CRYBB1: variants seen among roughly 807,000 people sequenced by gnomAD.
The protein encoded by CRYBB1 is crystallin beta B1, also known as beta-crystallin B1.
CRYBB1 carries 16 observed loss-of-function variants against 29.5 expected under a neutral mutation model. That is an observed-to-expected ratio of 0.54 (90% CI 0.37 to 0.82). The LOEUF (loss-of-function observed/expected upper bound fraction) is 0.82, where lower values mean the gene tolerates loss of function less well. Ranked by LOEUF, CRYBB1 falls within the 40% of genes least tolerant of loss-of-function variation. The pLI is 0.00. For missense variants in CRYBB1, 300 were observed against 350.5 expected (o/e 0.86, Z 1.15); for synonymous variants, 127 against 136.7 (o/e 0.93, Z 0.49).
At chr22:26,603,586 C>T (rs2145959958) in intron 4 of CRYBB1, among the ~76,000 whole-genome samples, 1 of 151,780 alleles carries the variant, frequency 6.6e-6, no homozygotes, top group African/African-American at 2.4e-5. Flanking sequence ...GTCATGGCTA[C>T]TCAACTCACG....
chr22:26,616,081 G>C, intron 2 of CRYBB1, 59 bp downstream of exon 2: 1 of 1,317,628 alleles, frequency 7.6e-7, no homozygotes, highest in Non-Finnish European at 1.1e-6. Context: ...GAAGAAGGAG[G>C]AGGAGGGAAG....
intron 5 of CRYBB1, among the ~76,000 whole-genome samples, chr22:26,600,536 G>C (rs1272100758): frequency 6.6e-6 from 1 of 152,242 alleles, no homozygotes; most frequent in Admixed American, 6.5e-5. Flanking sequence ...GAGAATCTAG[G>C]TGGATAAGGT....
chr22:26,616,377 A>G (rs546379747), intron 1 of CRYBB1, 39 bp from the exon 2 acceptor site: 3 of 1,406,294 alleles, frequency 2.1e-6, no homozygotes, highest in African/African-American at 1.4e-5. Flanking sequence ...GACACCCCCA[A>G]ACTGCCTCCT....
intron 4 of CRYBB1, among the ~76,000 whole-genome samples, chr22:26,606,779 C>T (rs1043860573): frequency 2.0e-5 from 3 of 152,088 alleles, no homozygotes; most frequent in African/African-American, 7.2e-5. Context: ...ATAAATGTTC[C>T]CATCATGGAA....
chr22:26,601,884 A>G lies in CRYBB1; in HGVS notation c.570T>C (p.Ser190=), dbSNP rs1928830365. The part of the protein sequence containing the change: ...SDRVGSVKVS[S]GTWVGYQYPG... ...CTGGCAGGAGGGATGCTTACGTTCCACTGGAGACCTTCACGCTGCCCACGC... is the reference window on the plus strand; with the variant it reads ...CTGGCAGGAGGGATGCTTACGTTCCGCTGGAGACCTTCACGCTGCCCACGC... Residue 190 remains serine (S), a synonymous_variant, in exon 5 of 6, where the codon AGT becomes AGC. Coordinates refer to ENST00000647684, the MANE Select transcript of CRYBB1 (RefSeq NM_001887.4). The G allele has an allele frequency of 1.2e-6, 2 of 1,611,902 alleles. No individual in the cohort carries two copies. Among genetic ancestry groups the G allele is most frequent in the South Asian group, 1.1e-5 (1 of 90,984 alleles).
intron 3 of CRYBB1, among the ~76,000 whole-genome samples, chr22:26,609,628 A>C (rs530400502): frequency 1.3e-5 from 2 of 152,272 alleles, no homozygotes; most frequent in Admixed American, 6.5e-5. Context: ...GAATGGATGT[A>C]TGTATGGATA....
intron 4 of CRYBB1, 46 bp downstream of exon 4, chr22:26,607,843 T>C: frequency 6.2e-7 from 1 of 1,613,600 alleles, no homozygotes; most frequent in Non-Finnish European, 8.5e-7. Context: ...ACACCTGCCC[T>C]GCCCCGCCTG....
chr22:26,602,395 G>A (rs958713249), intron 4 of CRYBB1, among the ~76,000 whole-genome samples: 1 of 151,868 alleles, frequency 6.6e-6, no homozygotes, highest in Non-Finnish European at 1.5e-5. Flanking sequence ...ACCAGCCTGG[G>A]CAACATAGCA....
At chr22:26,612,276 G>A (rs1364761804) in intron 2 of CRYBB1, 86 bp from the exon 3 acceptor site, 1 of 856,530 alleles carries the variant, frequency 1.2e-6, no homozygotes, top group South Asian at 1.4e-5. Flanking sequence ...AAAGCCAGCA[G>A]TGCAGGAGTC....
intron 2 of CRYBB1, among the ~76,000 whole-genome samples, chr22:26,612,401 C>T (rs953406823): frequency 6.6e-6 from 1 of 152,148 alleles, no homozygotes; most frequent in African/African-American, 2.4e-5. Context: ...CTCACTCTGT[C>T]GCCCCAGCTG....
rs536928131 is a variant in CRYBB1, at chr22:26,602,541, T to A, written c.433-520A>T. ...AGGAAGTTGAGGCTGCAGCGAGATATGATTACACCACTGCACTCCAGCCTG... is the reference window on the plus strand; with the variant it reads ...AGGAAGTTGAGGCTGCAGCGAGATAAGATTACACCACTGCACTCCAGCCTG... On this transcript the variant is annotated intron_variant, in intron 4 of 5. Coordinates refer to ENST00000647684, the MANE Select transcript of CRYBB1 (RefSeq NM_001887.4). 2.7e-5 allele frequency among the ~76,000 whole-genome samples: 4 copies of A among 150,776 alleles called. No homozygotes were observed. The South Asian group carries it at 8.4e-4, about 32-fold the overall frequency.
At chr22:26,601,322 A>G (rs1569203688) in intron 5 of CRYBB1, among the ~76,000 whole-genome samples, 1 of 152,070 alleles carries the variant, frequency 6.6e-6, no homozygotes, top group Non-Finnish European at 1.5e-5. Flanking sequence ...ATAGCTTCAG[A>G]TCCTGAGCGT....
Position 26,616,265 on chromosome 22 carries a change from G to A in CRYBB1, c.55C>T (p.Pro19Ser), listed in dbSNP as rs755613517. 2.5e-6 allele frequency: 4 copies of A among 1,613,976 alleles called. No homozygotes were observed. Among genetic ancestry groups the A allele is most frequent in the Non-Finnish European group, 3.4e-6 (4 of 1,179,838 alleles). ...ASATVAVNPG[P>S]DTKGKGAPPA... ...GGGGCCCCCTTCCCCTTGGTGTCAG[G>A]CCCTGGGTTCACCGCCACTGTGGCC... The change falls in exon 2 of 6, where the codon CCT becomes TCT. Residue 19 changes from proline (P) to serine (S), a missense_variant. Physicochemically the swap from Pro to Ser is moderately conservative, Grantham distance 74. Coordinates refer to ENST00000647684, the MANE Select transcript of CRYBB1 (RefSeq NM_001887.4).
chr22:26,604,011 T>C (rs1308396212), intron 4 of CRYBB1, among the ~76,000 whole-genome samples: 1 of 152,252 alleles, frequency 6.6e-6, no homozygotes, highest in Non-Finnish European at 1.5e-5. Context: ...AATGCTTTCA[T>C]GACCCTGTAT....
At chr22:26,616,395 TA>T (rs921351767) in intron 1 of CRYBB1, 57 bp from the exon 2 acceptor site, 2 of 1,143,304 alleles carry the variant, frequency 1.7e-6, no homozygotes, top group African/African-American at 3.0e-5. Flanking sequence ...CCTGCCCTCA[TA>T]GCCCCACATC....
intron 3 of CRYBB1, among the ~76,000 whole-genome samples, chr22:26,609,102 A>G (rs1001731880): frequency 1.3e-4 from 20 of 152,152 alleles, no homozygotes; most frequent in Admixed American, 1.2e-3. Flanking sequence ...TGTGTTCAAG[A>G]GTTCTTAGGA....
intron 2 of CRYBB1, among the ~76,000 whole-genome samples, chr22:26,613,151 T>C (rs1929233664): frequency 6.6e-6 from 1 of 152,200 alleles, no homozygotes; most frequent in Non-Finnish European, 1.5e-5. Context: ...CTCCACAACA[T>C]AGGGGAAAAC....
intron 1 of CRYBB1, among the ~76,000 whole-genome samples, chr22:26,617,052 C>T (rs927638133): frequency 1.3e-5 from 2 of 152,210 alleles, no homozygotes; most frequent in African/African-American, 4.8e-5. Context: ...GCTCCTTTCC[C>T]CGTCTGCTTC....
At chr22:26,606,549 C>G (rs192054729) in intron 4 of CRYBB1, among the ~76,000 whole-genome samples, 1 of 152,200 alleles carries the variant, frequency 6.6e-6, no homozygotes, top group Admixed American at 6.5e-5. Flanking sequence ...AAACAAACCC[C>G]TTAACATAGG....
Sources: allele counts gnomAD v4.1 joint callset (sites outside exome capture counted in the v4.1 genomes callset), GRCh38; gene constraint gnomAD v4.1.1; transcripts MANE v1.5; gene names NCBI Gene and HGNC (gene_info 2026-07-23, HGNC 2026-07-21).